Variants in PREX1 observed in about 807,000 individuals in gnomAD.
PREX1 encodes the protein phosphatidylinositol-3,4,5-trisphosphate dependent Rac exchange factor 1, also known as phosphatidylinositol 3,4,5-trisphosphate-dependent Rac exchanger 1 protein.
Under a neutral mutation model 198.3 loss-of-function variants are expected in PREX1, and 41 were observed. That is an observed-to-expected ratio of 0.21 (90% CI 0.16 to 0.27). The LOEUF (loss-of-function observed/expected upper bound fraction) is 0.27. Among genes scored for constraint, PREX1 ranks in the 10% least tolerant of loss-of-function variants. The probability of loss-of-function intolerance (pLI) is 1.00; values close to 1 mark genes in which losing one functional copy is unlikely to be tolerated. For synonymous variants in PREX1, 843 were observed against 887.2 expected (o/e 0.95, Z 0.89); for missense variants, 1,620 against 2,200.7 (o/e 0.74, Z 5.28).
chr20:48,815,871 G>A (rs760324693), intron 1 of PREX1, among the ~76,000 whole-genome samples: 5 of 152,260 alleles, frequency 3.3e-5, no homozygotes, highest in East Asian at 1.9e-4. Flanking sequence ...TCAGCCAGAC[G>A]TGTTGGCACA....
chr20:48,655,313 G>A lies in PREX1; in HGVS notation c.2186C>T (p.Pro729Leu), dbSNP rs1220039244. The part of the protein sequence containing the change: ...LCFQIRGAAP[P>L]YVYAVGRGSE... ...ACCTCTCCCCACAGCATAGACGTAC[G>A]GTGGGGCAGCTCCACGAATCTGGAA... is the stretch of plus-strand genomic sequence containing the variant. Residue 729 changes from proline (P) to leucine (L), a missense_variant, in exon 19 of 40, where the codon CCG becomes CTG. Physicochemically the swap from Pro to Leu is moderately conservative, Grantham distance 98. This residue lies in a region of PREX1 where 514 missense variants were observed against 611.6 expected (regional missense o/e 0.84). Transcript: ENST00000371941. 7 of 1,593,660 alleles carry A rather than the reference G, an allele frequency of 4.4e-6. No individual in the cohort carries two copies. Among genetic ancestry groups the A allele is most frequent in the Non-Finnish European group, 6.0e-6 (7 of 1,164,778 alleles).
At chr20:48,652,160 A>G (rs2122902204) in intron 21 of PREX1, among the ~76,000 whole-genome samples, 1 of 152,210 alleles carries the variant, frequency 6.6e-6, no homozygotes, top group East Asian at 1.9e-4. Context: ...GGCCGTGCGC[A>G]GTGGTGCACA....
intron 1 of PREX1, among the ~76,000 whole-genome samples, chr20:48,814,830 G>A (rs1316789385): frequency 6.6e-6 from 1 of 152,114 alleles, no homozygotes; most frequent in Non-Finnish European, 1.5e-5. Context: ...ATATACATAA[G>A]CTAAACAGTC....
In PREX1 at chr20:48,679,698, C is replaced by T. The variant is rs1335093360; in HGVS notation, c.1492G>A (p.Asp498Asn). 2.5e-6 allele frequency: 4 copies of T among 1,613,858 alleles called. No homozygotes were observed. Among genetic ancestry groups the T allele is most frequent in the East Asian group, 2.2e-5 (1 of 44,890 alleles). Residue 498 changes from aspartate (D) to asparagine (N), a missense_variant, in exon 12 of 40, where the codon GAT (aspartate) becomes AAT (asparagine). Around this residue, in one of 7 missense-constraint regions of PREX1, gnomAD observed 488 missense variants for 802.5 expected, o/e 0.61. Transcript: ENST00000371941. Reference sequence around the variant, plus strand: ...TCACTTCGGGCCTTGTAGGTGCCATCGTCGTAGCGGAAGCGATACATCACC... The same window carrying T: ...TCACTTCGGGCCTTGTAGGTGCCATTGTCGTAGCGGAAGCGATACATCACC... ...EQVMYRFRYDDGTYKARSELE... is the reference protein window; with the variant it reads ...EQVMYRFRYDNGTYKARSELE...
rs142804828 is a variant in PREX1 at position 48,642,759 on chromosome 20, G to C, written c.3602-270C>G. 8.4e-4 allele frequency: 293 copies of C among 347,802 alleles called. 2 individuals carry two copies. The highest frequency in any genetic ancestry group is 5.5e-3 in the African/African-American group (264 of 47,836). The allele number at this position is 347,802 out of a possible 1,614,324, so 21.5% of individuals were successfully genotyped here. ...GTTTCCATTCTGCAAATGAGGGACT[G>C]AGGAACAGAGAAAAGGACCTGGAGG... On this transcript the variant is annotated intron_variant, in intron 27 of 39. Transcript: ENST00000371941.
Position 48,666,256 on chromosome 20 carries a change from G to C in PREX1, c.1738+27C>G, listed in dbSNP as rs1477207610. On this transcript the variant is annotated intron_variant, in intron 15 of 39. Transcript: ENST00000371941. This position sits in a 1 kb window ranked among gnomAD's most constrained non-coding sequence, Gnocchi z 4.3. The stretch of plus-strand genomic sequence containing the variant: ...CAGCTCCAGGGAGCAAGGTCCCGGG[G>C]GCTGGGCTGCAGGTGGGGGTGGTTA... 1 of 1,543,704 alleles carries C rather than the reference G, an allele frequency of 6.5e-7. No individual in the cohort carries two copies. Among genetic ancestry groups the C allele is most frequent in the Non-Finnish European group, 8.8e-7 (1 of 1,141,738 alleles).
chr20:48,654,767 G>T (rs1455467545), intron 19 of PREX1, among the ~76,000 whole-genome samples: 1 of 152,192 alleles, frequency 6.6e-6, no homozygotes, highest in African/African-American at 2.4e-5. Context: ...TGCAAAAAAA[G>T]TTTGGGGGCC....
intron 30 of PREX1, 67 bp from the exon 31 acceptor site, chr20:48,637,819 C>T (rs2089377040): frequency 4.2e-6 from 6 of 1,440,948 alleles, no homozygotes; most frequent in Non-Finnish European, 5.8e-6. Flanking sequence ...GAGGGCAGAA[C>T]CGGGCCCCTC....
At chr20:48,874,262 C>A in the PREX1 span, among the ~76,000 whole-genome samples, 61 of 152,164 alleles carry the variant, frequency 4.0e-4, 1 homozygote, top group Admixed American at 2.6e-4. Flanking sequence ...TCCAAAAATT[C>A]TTTTGATTTA....
intron 25 of PREX1, among the ~76,000 whole-genome samples, chr20:48,646,675 CAAAAAAAAAAA>C (rs552888256): frequency 1.2e-5 from 1 of 82,528 alleles, no homozygotes; most frequent in African/African-American, 4.7e-5. Flanking sequence ...GAACCCATCT[CAAAAAAAAAAA>C]AAAAAAGAAA....
the PREX1 span, among the ~76,000 whole-genome samples, chr20:48,879,635 GC>G: frequency 1.3e-5 from 2 of 152,076 alleles, no homozygotes. Flanking sequence ...TCGTCAATAT[GC>G]CTGCATTAAA....
intron 1 of PREX1, 53 bp from the exon 2 acceptor site, chr20:48,747,933 G>C: frequency 1.3e-6 from 2 of 1,513,682 alleles, no homozygotes; most frequent in Admixed American, 1.8e-5. Flanking sequence ...GCTCTCCCAT[G>C]GACGGCCCTA....
At chr20:48,767,743 A>T (rs983836781) in intron 1 of PREX1, among the ~76,000 whole-genome samples, 1 of 151,662 alleles carries the variant, frequency 6.6e-6, no homozygotes, top group South Asian at 2.1e-4. Flanking sequence ...TTCCTAGGTC[A>T]CCCCAGGCTT....
At chr20:48,737,530 G>A (rs1163307384) in intron 3 of PREX1, among the ~76,000 whole-genome samples, 12 of 152,150 alleles carry the variant, frequency 7.9e-5, no homozygotes, top group Admixed American at 7.9e-4. Flanking sequence ...AAAAGAGAAG[G>A]AGGAACGGAG....
At chr20:48,867,863 T>G in the PREX1 span, among the ~76,000 whole-genome samples, 1 of 150,536 alleles carries the variant, frequency 6.6e-6, no homozygotes, top group East Asian at 2.0e-4. Flanking sequence ...AAATTTACCA[T>G]CTTAACCTTT....
intron 24 of PREX1, 58 bp downstream of exon 24, chr20:48,649,938 G>A (rs1371106193): frequency 3.2e-6 from 5 of 1,584,320 alleles, no homozygotes; most frequent in African/African-American, 2.7e-5. Context: ...ACAAGTTTTG[G>A]TTTAAGTATC....
chr20:48,632,420 G>C (rs1378474729), intron 34 of PREX1, 29 bp from the exon 35 acceptor site: 7 of 1,613,126 alleles, frequency 4.3e-6, no homozygotes, highest in Non-Finnish European at 5.9e-6. Flanking sequence ...GGGGCGGGCA[G>C]GCGGTTGGGA....
At chr20:48,882,931 C>CTT in the PREX1 span, among the ~76,000 whole-genome samples, 17,517 of 123,624 alleles carry the variant, frequency 0.14, 1,678 homozygotes, top group Non-Finnish European at 0.2. Flanking sequence ...TTGGGTTGTC[C>CTT]TTTTTTTTTT....
At chr20:48,885,412 G>A in the PREX1 span, among the ~76,000 whole-genome samples, 21 of 152,278 alleles carry the variant, frequency 1.4e-4, no homozygotes, top group South Asian at 2.1e-4. Flanking sequence ...CCAAATGCTG[G>A]CAAGGATGTG....
Sources: gnomAD v4.1 joint callset for allele counts (sites outside exome capture counted in the v4.1 genomes callset) on GRCh38, gnomAD v4.1.1 for gene constraint, gnomAD v4.1.1 regional missense constraint, Gnocchi (gnomAD v3.1) non-coding constraint, MANE v1.5 for transcripts, NCBI Gene and HGNC (gene_info 2026-07-23, HGNC 2026-07-21) for gene names.